The following ECHDC3 variants were observed in gnomAD, a reference collection of about 807,000 sequenced individuals.
The protein encoded by ECHDC3 is enoyl-CoA hydratase domain-containing protein 3, mitochondrial.
ECHDC3 carries 20 observed loss-of-function variants against 17.9 expected under a neutral mutation model. That is an observed-to-expected ratio of 1.12 (90% confidence interval 0.79 to 1.63). ECHDC3 has a LOEUF of 1.63. Among genes scored for constraint, ECHDC3 ranks in the 40% most tolerant of loss-of-function variants. ECHDC3 has a pLI of 0.00. For synonymous variants in ECHDC3, 177 were observed against 149.7 expected (o/e 1.18, Z -1.33); for missense variants, 407 against 357.7 (o/e 1.14, Z -1.11).
intron 3 of ECHDC3, among the ~76,000 whole-genome samples, chr10:11,750,758 GTTTAACCTAA>G (rs762896289): frequency 5.9e-5 from 9 of 152,146 alleles, no homozygotes; most frequent in Admixed American, 1.3e-4. Context: ...CTCTAAGATA[GTTTAACCTAA>G]TTTTTTATTC....
At chr10:11,756,813 A>G (rs950242313) in intron 4 of ECHDC3, among the ~76,000 whole-genome samples, 5 of 150,832 alleles carry the variant, frequency 3.3e-5, no homozygotes, top group African/African-American at 7.3e-5. Context: ...CAGTGGCGCT[A>G]TCTCAGCTCA....
At position 11,760,044 on chromosome 10, in the gene ECHDC3, G is replaced by A. The variant is rs1350480163; in HGVS notation, c.592-3180G>A. On this transcript the variant is annotated intron_variant, in intron 4 of 4. Coordinates refer to ENST00000379215, the MANE Select transcript of ECHDC3 (RefSeq NM_024693.5). ...CCTTGAGCTCAAACCAGGTCCCTGA[G>A]CTTTTCTTCTGCAAGCAAAATCTTC... Among the ~76,000 whole-genome samples the A allele has an allele frequency of 3.3e-5, 5 of 152,214 alleles. 1 individual carries two copies. The highest frequency in any genetic ancestry group is 3.3e-4 in the Admixed American group (5 of 15,274).
intron 4 of ECHDC3, among the ~76,000 whole-genome samples, chr10:11,762,418 C>T (rs1391046581): frequency 6.6e-6 from 1 of 152,230 alleles, no homozygotes; most frequent in African/African-American, 2.4e-5. Context: ...TTGTGAGAGC[C>T]TGAGTGACGG....
At chr10:11,756,942 C>T (rs1435256823) in intron 4 of ECHDC3, among the ~76,000 whole-genome samples, 4 of 152,160 alleles carry the variant, frequency 2.6e-5, no homozygotes, top group Admixed American at 1.3e-4. Flanking sequence ...ACCCTGTTGG[C>T]CAGGCTGGCC....
intron 3 of ECHDC3, chr10:11,752,148 G>A (rs554250616): frequency 4.7e-5 from 7 of 150,046 alleles, no homozygotes; most frequent in Non-Finnish European, 1.0e-4. Flanking sequence ...GTCTCACTCT[G>A]TCGCCCAGGC....
At chr10:11,756,357 T>TA (rs1348381347) in intron 4 of ECHDC3, among the ~76,000 whole-genome samples, 2 of 152,202 alleles carry the variant, frequency 1.3e-5, no homozygotes, top group Admixed American at 6.6e-5. Flanking sequence ...TGGAAATCTA[T>TA]AAAAAAGGGG....
intron 1 of ECHDC3, among the ~76,000 whole-genome samples, chr10:11,743,956 A>G (rs1345796852): frequency 6.6e-6 from 1 of 152,238 alleles, no homozygotes; most frequent in Non-Finnish European, 1.5e-5. Context: ...TTAGTAGGAA[A>G]GGAAACTTCT....
chr10:11,752,927 T>C (rs1334751345), intron 3 of ECHDC3, among the ~76,000 whole-genome samples: 1 of 152,248 alleles, frequency 6.6e-6, no homozygotes. Context: ...CTAGTCGATG[T>C]AGTTTAGTTT....
At chr10:11,759,535 TATAA>T (rs1287189927) in intron 4 of ECHDC3, among the ~76,000 whole-genome samples, 3 of 152,156 alleles carry the variant, frequency 2.0e-5, no homozygotes, top group African/African-American at 4.8e-5. Context: ...ACTTGTGAGA[TATAA>T]ATGTCTGTTG....
chr10:11,750,174 A>T (rs959524096), intron 3 of ECHDC3, among the ~76,000 whole-genome samples: 17 of 152,166 alleles, frequency 1.1e-4, no homozygotes, highest in Non-Finnish European at 2.2e-4. Flanking sequence ...ATAGGATGGT[A>T]CTCATAGTTG....
intron 1 of ECHDC3, 29 bp from the exon 2 acceptor site, chr10:11,747,320 A>G: frequency 6.2e-7 from 1 of 1,611,778 alleles, no homozygotes; most frequent in Non-Finnish European, 8.5e-7. Context: ...CTGGTGTGTG[A>G]CCCTGTGATT....
chr10:11,757,873 A>G (rs76183911), intron 4 of ECHDC3, among the ~76,000 whole-genome samples: 336 of 152,292 alleles, frequency 2.2e-3, no homozygotes, highest in African/African-American at 7.7e-3. Context: ...TGGGATTCAT[A>G]ACAATCTAAT....
At chr10:11,747,282 G>A in intron 1 of ECHDC3, 67 bp from the exon 2 acceptor site, 1 of 1,582,886 alleles carries the variant, frequency 6.3e-7, no homozygotes, top group African/African-American at 1.3e-5. Flanking sequence ...AATTAGACAG[G>A]AATCGCAGGG....
rs368197224 is a variant in ECHDC3, at chr10:11,763,203, A to T, written c.592-21A>T. 2.1e-5 allele frequency: 16 copies of T among 753,280 alleles called. No individual in the cohort carries two copies. Among genetic ancestry groups the T allele is most frequent in the Non-Finnish European group, 3.9e-5 (16 of 405,590 alleles). The allele number at this position is 753,280 out of a possible 1,614,324, so 46.7% of individuals were successfully genotyped here. A position where few individuals can be genotyped will look rare whatever the true frequency, so the allele number is the denominator to read the frequency against. On this transcript the variant is annotated intron_variant, in intron 4 of 4. Coordinates refer to ENST00000379215, the MANE Select transcript of ECHDC3 (RefSeq NM_024693.5). The surrounding 1 kb of genome is among the most constrained non-coding windows in gnomAD (Gnocchi z 4.9). ...CGGGTCACAGGAGAGCACCTCAGTG[A>T]CATCCCGTGTCTCCCCGTAGGTGGC...
At chr10:11,760,660 A>G (rs1463124743) in intron 4 of ECHDC3, among the ~76,000 whole-genome samples, 2 of 152,150 alleles carry the variant, frequency 1.3e-5, no homozygotes, top group Non-Finnish European at 2.9e-5. Flanking sequence ...GAGTTCCCCA[A>G]GAGCCGCCTG....
At position 11,763,361 on chromosome 10, in the gene ECHDC3, G is replaced by T; in HGVS notation, c.729G>T (p.Leu243=). The T allele has an allele frequency of 2.6e-6, 2 of 779,452 alleles. No individual in the cohort carries two copies. The allele number at this position is 779,452 out of a possible 1,614,324, so 48.3% of individuals were successfully genotyped here. The change falls in exon 5 of 5, where the codon CTG becomes CTT. Residue 243 remains leucine, a synonymous_variant. Transcript: ENST00000379215. This position sits in a 1 kb window ranked among gnomAD's most constrained non-coding sequence, Gnocchi z 4.9. ...TMRIARKIAS[L]SRPVVSLGKA... Reference sequence around the variant, plus strand: ...GGATCGCTAGGAAGATCGCATCGCTGAGCCGTCCGGTGGTGTCCCTGGGCA... The same window carrying T: ...GGATCGCTAGGAAGATCGCATCGCTTAGCCGTCCGGTGGTGTCCCTGGGCA...
chr10:11,762,010 G>A (rs185474658), intron 4 of ECHDC3, among the ~76,000 whole-genome samples: 4 of 151,942 alleles, frequency 2.6e-5, no homozygotes, highest in Admixed American at 2.6e-4. Context: ...AGGCCGTGGG[G>A]TCACTTGTGC....
Position 11,742,594 on chromosome 10 carries a change from C to T in ECHDC3, c.18C>T (p.Val6=). The change falls in exon 1 of 5, where the codon GTC becomes GTT. Residue 6 remains valine (V), a synonymous_variant. Transcript: ENST00000379215. MAAVA[V]LRAFGASGPM... The stretch of plus-strand genomic sequence containing the variant: ...CGAATGCTATGGCCGCCGTCGCCGT[C>T]TTGCGGGCCTTCGGGGCAAGTGGGC... 7.7e-7 allele frequency: 1 copy of T among 1,290,896 alleles called. No individual in the cohort carries two copies. The highest frequency in any genetic ancestry group is 9.8e-7 in the Non-Finnish European group (1 of 1,020,288). 80.0% of individuals were successfully genotyped at this position (1,290,896 alleles called of 1,614,324 possible).
rs2133788884 is a variant in ECHDC3 at position 11,749,455 on chromosome 10, C to A, written c.293-40C>A. On this transcript the variant is annotated intron_variant, in intron 2 of 4. Coordinates refer to ENST00000379215, the MANE Select transcript of ECHDC3 (RefSeq NM_024693.5). ...CTAACTGCCCAACTCTGGGTGTTTA[C>A]ATCTTTTTGTTTTCTTTTCTCAATT... 1.9e-6 allele frequency: 3 copies of A among 1,606,888 alleles called. No homozygotes were observed. In the East Asian group the frequency reaches 6.7e-5, roughly 36 times the overall value.
Sources: allele counts gnomAD v4.1 joint callset (sites outside exome capture counted in the v4.1 genomes callset), GRCh38; gene constraint gnomAD v4.1.1; non-coding constraint Gnocchi (gnomAD v3.1); transcripts MANE v1.5; gene names NCBI Gene and HGNC (gene_info 2026-07-23, HGNC 2026-07-21).